KLHL4: variants seen among roughly 807,000 people sequenced by gnomAD.
The protein encoded by KLHL4 is kelch-like protein 4.
A neutral mutation model predicts 45.8 loss-of-function variants in KLHL4; 17 were observed. That is an observed-to-expected ratio of 0.37 (90% CI 0.25 to 0.56). The LOEUF (loss-of-function observed/expected upper bound fraction) is 0.56. KLHL4 is among the 20% of genes least tolerant of loss of function. The pLI is 0.79. For synonymous variants in KLHL4, 224 were observed against 189.9 expected (o/e 1.18, Z -1.47); for missense variants, 544 against 544.9 (o/e 1.00, Z 0.02).
At chrX:87,614,946 T>C (rs1171076401) in intron 3 of KLHL4, among the ~76,000 whole-genome samples, 1 of 111,350 alleles carries the variant, frequency 9.0e-6, no homozygotes, top group Non-Finnish European at 1.9e-5. Flanking sequence ...AATCCTACAG[T>C]AGAGATTTAG....
chrX:87,662,895 A>G (rs1340884096), intron 9 of KLHL4, among the ~76,000 whole-genome samples: 27 of 98,468 alleles, frequency 2.7e-4, no homozygotes, highest in Non-Finnish European at 4.6e-4. Flanking sequence ...GCGCCACTGC[A>G]CTCCAGCCTG....
At chrX:87,548,396 C>T (rs5969251) in intron 1 of KLHL4, among the ~76,000 whole-genome samples, 26,838 of 110,218 alleles carry the variant, frequency 0.24, 2,757 homozygotes, top group East Asian at 0.51. Flanking sequence ...AAACAAAAAG[C>T]GAGATTAATG....
chrX:87,520,950 A>T (rs181714516), intron 1 of KLHL4, among the ~76,000 whole-genome samples: 162 of 112,248 alleles, frequency 1.4e-3, no homozygotes, highest in African/African-American at 4.8e-3. Flanking sequence ...AACATGAAAA[A>T]TCATGCTTAC....
Position 87,615,646 on chromosome X carries a change from TA to T in KLHL4, c.727+1082del, listed in dbSNP as rs375798108. Among the ~76,000 whole-genome samples, 305 of 110,825 alleles carry T rather than the reference TA, an allele frequency of 2.8e-3. 3 individuals carry two copies. In the South Asian group the frequency reaches 0.047, roughly 17 times the overall value. ...AACACAATGTAATATTAATAGGCAA[TA>T]AAAAAGGAATGAAGTAGTAATAGAT... On this transcript the variant is annotated intron_variant, in intron 3 of 10. Coordinates refer to ENST00000373119, the MANE Select transcript of KLHL4 (RefSeq NM_019117.5).
chrX:87,667,174 A>G lies in KLHL4; in HGVS notation c.*640A>G. 1 of 749,896 alleles carries G rather than the reference A, an allele frequency of 1.3e-6. No individual in the cohort carries two copies. The highest frequency in any genetic ancestry group is 1.5e-4 in the East Asian group (1 of 6,632). The allele number at this position is 749,896 out of a possible 1,213,427, so 61.8% of individuals were successfully genotyped here. A position where few individuals can be genotyped will look rare whatever the true frequency, so the allele number is the denominator to read the frequency against. ...TACAGGTTTGCTCATCTGCCAGAGC[A>G]CACATATAAATTTGGTATTTCTTAA... On this transcript the variant is annotated 3_prime_UTR_variant, in exon 11 of 11. Coordinates refer to ENST00000373119, the MANE Select transcript of KLHL4 (RefSeq NM_019117.5).
chrX:87,541,288 C>T (rs948722474), intron 1 of KLHL4, among the ~76,000 whole-genome samples: 6 of 108,648 alleles, frequency 5.5e-5, no homozygotes, highest in African/African-American at 2.0e-4. Flanking sequence ...AGATCAAGAC[C>T]ACTCTGGCCA....
chrX:87,588,998 G>C (rs896992764), intron 1 of KLHL4, among the ~76,000 whole-genome samples: 19 of 111,696 alleles, frequency 1.7e-4, no homozygotes, highest in South Asian at 1.5e-3. Flanking sequence ...CAAAAAATGA[G>C]CAAAAGATTT....
intron 4 of KLHL4, 32 bp from the exon 5 acceptor site, chrX:87,622,179 C>G: frequency 9.7e-7 from 1 of 1,034,919 alleles, no homozygotes; most frequent in Non-Finnish European, 1.3e-6. Context: ...TTCTAAAGTG[C>G]AAAGTTTTAG....
At chrX:87,654,031 G>T (rs1001007083) in intron 9 of KLHL4, among the ~76,000 whole-genome samples, 1 of 110,961 alleles carries the variant, frequency 9.0e-6, no homozygotes, top group African/African-American at 3.3e-5. Flanking sequence ...ATGCATGCTG[G>T]GTGTAATACC....
chrX:87,632,264 G>A lies in KLHL4; in HGVS notation c.1379G>A (p.Gly460Asp). Reference sequence around the variant, plus strand: ...AGGACCAACAGTTGGCTACATATTGGCACCATGAATGGCCGTAGGCTTCAA... The same window carrying A: ...AGGACCAACAGTTGGCTACATATTGACACCATGAATGGCCGTAGGCTTCAA... Reference protein sequence around the residue: ...DLRTNSWLHIGTMNGRRLQFG... With the variant: ...DLRTNSWLHIDTMNGRRLQFG... Residue 460 changes from glycine to aspartate, a missense_variant, in exon 7 of 11, where the codon GGC becomes GAC. Physicochemically the swap from Gly to Asp is moderately conservative, Grantham distance 94. Coordinates refer to ENST00000373119, the MANE Select transcript of KLHL4 (RefSeq NM_019117.5). The A allele has an allele frequency of 2.5e-6, 3 of 1,208,143 alleles. No homozygotes were observed. Among genetic ancestry groups the A allele is most frequent in the Non-Finnish European group, 2.2e-6 (2 of 892,584 alleles).
chrX:87,587,852 G>A (rs980975739), intron 1 of KLHL4, among the ~76,000 whole-genome samples: 4 of 111,120 alleles, frequency 3.6e-5, no homozygotes, highest in South Asian at 3.7e-4. Flanking sequence ...TGGAAAGGAT[G>A]ACATCAAATT....
chrX:87,614,704 C>A, intron 3 of KLHL4, 134 bp downstream of exon 3: 1 of 517,152 alleles, frequency 1.9e-6, no homozygotes, highest in Non-Finnish European at 2.9e-6. Flanking sequence ...ACTACAACTA[C>A]AAAGGTGAGG....
chrX:87,616,512 A>G (rs1364608134), intron 3 of KLHL4, among the ~76,000 whole-genome samples: 1 of 111,859 alleles, frequency 8.9e-6, no homozygotes, highest in Non-Finnish European at 1.9e-5. Context: ...TCCAGTAAGC[A>G]TTCGTAGGAT....
At chrX:87,604,904 T>C (rs1468024316) in intron 1 of KLHL4, among the ~76,000 whole-genome samples, 1 of 111,354 alleles carries the variant, frequency 9.0e-6, no homozygotes, top group Non-Finnish European at 1.9e-5. Context: ...CTTTTGAGTG[T>C]TATATGCATG....
intron 1 of KLHL4, among the ~76,000 whole-genome samples, chrX:87,530,181 A>C (rs1044741650): frequency 1.8e-5 from 2 of 110,542 alleles, no homozygotes; most frequent in Admixed American, 9.6e-5. Context: ...GGTGTTTTAG[A>C]CATGAAGTCC....
At chrX:87,556,538 G>C (rs550118610) in intron 1 of KLHL4, among the ~76,000 whole-genome samples, 3 of 108,847 alleles carry the variant, frequency 2.8e-5, no homozygotes, top group South Asian at 4.1e-4. Flanking sequence ...GTGGGGGAAG[G>C]GGGGAGGGAT....
chrX:87,631,471 C>T (rs1602453779), intron 6 of KLHL4, among the ~76,000 whole-genome samples: 1 of 111,798 alleles, frequency 8.9e-6, no homozygotes, highest in Admixed American at 9.5e-5. Context: ...GTATCATTAC[C>T]ATCATGGAAC....
chrX:87,647,306 C>T (rs917941337), intron 9 of KLHL4, among the ~76,000 whole-genome samples: 3 of 111,590 alleles, frequency 2.7e-5, no homozygotes, highest in Admixed American at 9.5e-5. Context: ...ACTAGTACAA[C>T]CACTATGGAA....
At chrX:87,603,334 C>A (rs1332823810) in intron 1 of KLHL4, among the ~76,000 whole-genome samples, 1 of 111,300 alleles carries the variant, frequency 9.0e-6, no homozygotes, top group Admixed American at 9.6e-5. Flanking sequence ...CTGAAACCCA[C>A]TGTAAAATTG....
Sources: allele counts gnomAD v4.1 joint callset (sites outside exome capture counted in the v4.1 genomes callset), GRCh38; gene constraint gnomAD v4.1.1; transcripts MANE v1.5; gene names NCBI Gene and HGNC (gene_info 2026-07-23, HGNC 2026-07-21).